RFX3: variants seen among roughly 807,000 people sequenced by gnomAD.
RFX3 encodes transcription factor RFX3.
RFX3 carries 14 observed loss-of-function variants against 98.6 expected under a neutral mutation model. The observed-to-expected ratio is 0.14, with a 90% CI of 0.09 to 0.22. The LOEUF (loss-of-function observed/expected upper bound fraction) is 0.22. Ranked by LOEUF, RFX3 falls within the 10% of genes least tolerant of loss-of-function variation. RFX3 has a pLI of 1.00. For missense variants in RFX3, 639 were observed against 926.9 expected (o/e 0.69, Z 4.03); for synonymous variants, 383 against 328.4 (o/e 1.17, Z -1.80).
Position 3,219,387 on chromosome 9 carries a change from T to C in RFX3, c.*5655A>G, listed in dbSNP as rs1327274872. ...TTGTTGTCCTCGTTATTGAGCTACA[T>C]AAACAATTCTTACCAAAGATTTTCA... On this transcript the variant is annotated 3_prime_UTR_variant, in exon 17 of 17. Coordinates refer to ENST00000617270, the MANE Select transcript of RFX3 (RefSeq NM_001282116.2). 4.0e-5 allele frequency: 6 copies of C among 151,102 alleles called. No individual in the cohort carries two copies. Among genetic ancestry groups the C allele is most frequent in the Admixed American group, 2.0e-4 (3 of 15,134 alleles). 9.4% of individuals were successfully genotyped at this position (151,102 alleles called of 1,614,324 possible). A position where few individuals can be genotyped will look rare whatever the true frequency, so the allele number is the denominator to read the frequency against.
chr9:3,288,518 C>G (rs1023192823), intron 6 of RFX3, among the ~76,000 whole-genome samples: 5 of 151,958 alleles, frequency 3.3e-5, no homozygotes, highest in Non-Finnish European at 5.9e-5. Flanking sequence ...GTCAAACAGT[C>G]CATTTGTTCC....
rs535141156 is a variant in RFX3 at position 3,274,147 on chromosome 9, ATGT to A, written c.1086+1350_1086+1352del. Among the ~76,000 whole-genome samples, 13 of 152,322 alleles carry A rather than the reference ATGT, an allele frequency of 8.5e-5. No homozygotes were observed. The South Asian group carries it at 2.5e-3, about 29-fold the overall frequency. ...ACACGTTGAAGAACACTTCTGGCAC[ATGT>A]TGTGTTAATAAGGAGAGAACCTGCC... is the stretch of plus-strand genomic sequence containing the variant. On this transcript the variant is annotated intron_variant, in intron 9 of 16. Transcript: ENST00000617270.
intron 4 of RFX3, among the ~76,000 whole-genome samples, chr9:3,326,354 G>A (rs1239508375): frequency 6.6e-6 from 1 of 152,032 alleles, no homozygotes; most frequent in Admixed American, 6.6e-5. Flanking sequence ...TAAGTTCAGG[G>A]GTATTTGTGC....
intron 12 of RFX3, among the ~76,000 whole-genome samples, chr9:3,265,524 T>C (rs1165397530): frequency 6.6e-6 from 1 of 152,170 alleles, no homozygotes; most frequent in African/African-American, 2.4e-5. Context: ...ACAAATGTGA[T>C]TTCTGTTACC....
chr9:3,236,429 A>G (rs188465040), intron 15 of RFX3, among the ~76,000 whole-genome samples: 1 of 152,192 alleles, frequency 6.6e-6, no homozygotes. Context: ...CTCCATATCC[A>G]AAAGAATATG....
rs563406000 is a variant in RFX3 at position 3,275,481 on chromosome 9, T to C, written c.1086+19A>G. 1.9e-5 allele frequency: 27 copies of C among 1,392,708 alleles called. No homozygotes were observed. The African/African-American group carries it at 2.3e-4, about 12-fold the overall frequency. The allele number at this position is 1,392,708 out of a possible 1,614,324, so 86.3% of individuals were successfully genotyped here. A position where few individuals can be genotyped will look rare whatever the true frequency, so the allele number is the denominator to read the frequency against. On this transcript the variant is annotated intron_variant, in intron 9 of 16. Coordinates refer to ENST00000617270, the MANE Select transcript of RFX3 (RefSeq NM_001282116.2). ...GGCAAAACCTAGCATGTGTTCATACTACATTTGAAAAGACTTACCTCACAG... is the reference window on the plus strand; with the variant it reads ...GGCAAAACCTAGCATGTGTTCATACCACATTTGAAAAGACTTACCTCACAG...
intron 2 of RFX3, among the ~76,000 whole-genome samples, chr9:3,393,536 A>AAACAATTGGTACACATGAACAT (rs1390413989): frequency 6.6e-6 from 1 of 151,900 alleles, no homozygotes. Flanking sequence ...ATTGCCTTTA[A>AAACAATTGGTACACATGAACAT]AAAGATAACT....
intron 1 of RFX3, among the ~76,000 whole-genome samples, chr9:3,512,099 A>G (rs1443479544): frequency 2.0e-5 from 3 of 151,662 alleles, no homozygotes; most frequent in African/African-American, 7.3e-5. Context: ...AACAAAAATA[A>G]TAAATAATAA....
At chr9:3,290,036 G>A (rs559146664) in intron 6 of RFX3, among the ~76,000 whole-genome samples, 24 of 151,914 alleles carry the variant, frequency 1.6e-4, no homozygotes, top group African/African-American at 5.1e-4. Flanking sequence ...AGTTTCTATG[G>A]TAGAAAGAAT....
chr9:3,482,699 T>C (rs1216271025), intron 1 of RFX3, among the ~76,000 whole-genome samples: 2 of 152,198 alleles, frequency 1.3e-5, no homozygotes, highest in Non-Finnish European at 2.9e-5. Flanking sequence ...GTTGTTTCTA[T>C]TCACATATAT....
chr9:3,429,278 T>C (rs902732633), intron 1 of RFX3, among the ~76,000 whole-genome samples: 4 of 151,292 alleles, frequency 2.6e-5, no homozygotes, highest in African/African-American at 9.7e-5. Flanking sequence ...CGTCTCGGCC[T>C]CCCAAAGTGC....
intron 2 of RFX3, 50 bp downstream of exon 2, chr9:3,395,422 C>G (rs555738938): frequency 3.1e-6 from 5 of 1,598,340 alleles, no homozygotes; most frequent in Non-Finnish European, 4.3e-6. Flanking sequence ...TGTTGGACAG[C>G]CAACATAATG....
Position 3,395,465 on chromosome 9 carries a change from T to G in RFX3, c.117+7A>C, listed in dbSNP as rs748242387. 2 of 1,613,448 alleles carry G rather than the reference T, an allele frequency of 1.2e-6. No individual in the cohort carries two copies. The highest frequency in any genetic ancestry group is 2.7e-5 in the African/African-American group (2 of 74,916). ...CAGCATCTTTTCTAAGAGCAGCAGCTCCTTACCTGTTGTTGTACTGGTACT... is the reference window on the plus strand; with the variant it reads ...CAGCATCTTTTCTAAGAGCAGCAGCGCCTTACCTGTTGTTGTACTGGTACT... On this transcript the variant is annotated splice_region_variant and intron_variant, in intron 2 of 16. Coordinates refer to ENST00000617270, the MANE Select transcript of RFX3 (RefSeq NM_001282116.2).
At chr9:3,471,848 ATCTT>A (rs1349137766) in intron 1 of RFX3, among the ~76,000 whole-genome samples, 1 of 152,246 alleles carries the variant, frequency 6.6e-6, no homozygotes, top group Non-Finnish European at 1.5e-5. Context: ...CTTCTTCAGA[ATCTT>A]TCTACCAAAT....
intron 1 of RFX3, among the ~76,000 whole-genome samples, chr9:3,403,641 G>C (rs892145058): frequency 5.9e-5 from 9 of 152,092 alleles, no homozygotes; most frequent in Admixed American, 1.3e-4. Context: ...CTTAAAGAAA[G>C]AAATGAAATT....
At chr9:3,362,547 G>C (rs1469831738) in intron 2 of RFX3, among the ~76,000 whole-genome samples, 1 of 152,140 alleles carries the variant, frequency 6.6e-6, no homozygotes, top group Non-Finnish European at 1.5e-5. Flanking sequence ...CTTATACAGG[G>C]TTGCAGTTAA....
chr9:3,305,797 A>T (rs772488320), intron 4 of RFX3, among the ~76,000 whole-genome samples: 54 of 152,104 alleles, frequency 3.6e-4, no homozygotes, highest in Admixed American at 5.9e-4. Context: ...AGTTTCTACC[A>T]GTCTCATCAA....
intron 4 of RFX3, among the ~76,000 whole-genome samples, chr9:3,322,451 G>T (rs973977346): frequency 1.3e-5 from 2 of 152,042 alleles, no homozygotes; most frequent in Non-Finnish European, 2.9e-5. Flanking sequence ...TAATTTTGTG[G>T]CTGGGTGCGG....
At chr9:3,331,257 C>T (rs1372630173) in intron 3 of RFX3, among the ~76,000 whole-genome samples, 3 of 152,210 alleles carry the variant, frequency 2.0e-5, no homozygotes, top group African/African-American at 7.2e-5. Flanking sequence ...CAGTCCTTAT[C>T]TCTTGTGACC....
Sources: gnomAD v4.1 joint callset for allele counts (sites outside exome capture counted in the v4.1 genomes callset) on GRCh38, gnomAD v4.1.1 for gene constraint, MANE v1.5 for transcripts, NCBI Gene and HGNC (gene_info 2026-07-23, HGNC 2026-07-21) for gene names.